Variants in RORA observed in about 807,000 individuals in gnomAD.
The protein encoded by RORA is RAR related orphan receptor A, also known as nuclear receptor ROR-alpha.
In RORA, 7 loss-of-function variants were observed where a neutral mutation model predicts 69.5. The observed-to-expected ratio is 0.10, with a 90% CI of 0.06 to 0.19. The LOEUF (loss-of-function observed/expected upper bound fraction) is 0.19, where lower values mean the gene tolerates loss of function less well. Ranked by LOEUF, RORA falls within the 10% of genes least tolerant of loss-of-function variation. RORA has a pLI of 1.00. For missense variants in RORA, 457 were observed against 663.0 expected (o/e 0.69, Z 3.41); for synonymous variants, 261 against 240.8 (o/e 1.08, Z -0.78).
At chr15:60,776,942 T>G (rs971763274) in intron 1 of RORA, among the ~76,000 whole-genome samples, 6 of 152,240 alleles carry the variant, frequency 3.9e-5, no homozygotes, top group African/African-American at 1.4e-4. Flanking sequence ...TAATTGTCTG[T>G]CTTCTCTCTG....
At chr15:61,049,062 C>A (rs1245286855) in intron 1 of RORA, among the ~76,000 whole-genome samples, 1 of 152,156 alleles carries the variant, frequency 6.6e-6, no homozygotes, top group Non-Finnish European at 1.5e-5. Flanking sequence ...CCTCGTGTCC[C>A]AACACCACAT....
chr15:61,144,277 G>A (rs895980172), intron 1 of RORA, among the ~76,000 whole-genome samples: 3 of 152,160 alleles, frequency 2.0e-5, no homozygotes, highest in African/African-American at 4.8e-5. Context: ...CTGATTCCAC[G>A]GGCAGCTCGA....
intron 1 of RORA, among the ~76,000 whole-genome samples, chr15:60,885,645 T>A (rs1204871317): frequency 6.6e-6 from 1 of 152,216 alleles, no homozygotes; most frequent in East Asian, 1.9e-4. Flanking sequence ...AAAATATATA[T>A]ATTTCAGATA....
At chr15:61,053,729 C>T (rs935608503) in intron 1 of RORA, among the ~76,000 whole-genome samples, 3 of 151,014 alleles carry the variant, frequency 2.0e-5, no homozygotes, top group East Asian at 2.0e-4. Flanking sequence ...TACAGGGAGA[C>T]GACACAGCTG....
At chr15:60,945,100 T>C (rs923102307) in intron 1 of RORA, among the ~76,000 whole-genome samples, 1 of 152,144 alleles carries the variant, frequency 6.6e-6, no homozygotes, top group Non-Finnish European at 1.5e-5. Context: ...TAGTTTAATA[T>C]ACCCAGCAAA....
At chr15:61,228,097 T>C (rs937696783) in intron 1 of RORA, among the ~76,000 whole-genome samples, 7 of 138,948 alleles carry the variant, frequency 5.0e-5, no homozygotes, top group Non-Finnish European at 1.1e-4. Context: ...GGAGAAAACA[T>C]TGCTTGCACT....
chr15:60,721,178 T>C (rs1249628904), intron 1 of RORA, among the ~76,000 whole-genome samples: 1 of 152,194 alleles, frequency 6.6e-6, no homozygotes, highest in Admixed American at 6.5e-5. Flanking sequence ...CCGTGGGTTC[T>C]TTGACTAAAC....
intron 1 of RORA, among the ~76,000 whole-genome samples, chr15:60,767,934 C>T (rs1567183687): frequency 6.6e-6 from 1 of 152,306 alleles, no homozygotes; most frequent in South Asian, 2.1e-4. Flanking sequence ...GGCAGGGCCA[C>T]ATCTCGTTCA....
intron 1 of RORA, among the ~76,000 whole-genome samples, chr15:60,943,532 G>C (rs1265981173): frequency 6.6e-6 from 1 of 152,094 alleles, no homozygotes; most frequent in Non-Finnish European, 1.5e-5. Context: ...ATGAGCATAA[G>C]ACAGAAGGTC....
At chr15:61,019,183 A>G (rs190565084) in intron 1 of RORA, among the ~76,000 whole-genome samples, 1 of 152,336 alleles carries the variant, frequency 6.6e-6, no homozygotes, top group East Asian at 1.9e-4. Context: ...AGCGGAATAC[A>G]TTACACAGCG....
intron 2 of RORA, among the ~76,000 whole-genome samples, chr15:60,595,832 CATACTT>C (rs1420538231): frequency 6.6e-6 from 1 of 152,134 alleles, no homozygotes; most frequent in African/African-American, 2.4e-5. Flanking sequence ...AGGCACACAA[CATACTT>C]ATAAACACAT....
chr15:60,594,019 T>G (rs1368804980), intron 2 of RORA, among the ~76,000 whole-genome samples: 1 of 152,210 alleles, frequency 6.6e-6, no homozygotes, highest in Non-Finnish European at 1.5e-5. Context: ...TCGTTGTCCT[T>G]CAGTCAAGCC....
intron 1 of RORA, among the ~76,000 whole-genome samples, chr15:60,998,432 C>T (rs2140377684): frequency 6.7e-6 from 1 of 150,170 alleles, no homozygotes; most frequent in East Asian, 2.0e-4. Flanking sequence ...GAGTCTGGCT[C>T]CTTTGCCCAG....
intron 2 of RORA, among the ~76,000 whole-genome samples, chr15:60,569,691 A>G (rs1283194388): frequency 6.6e-6 from 1 of 152,188 alleles, no homozygotes; most frequent in Non-Finnish European, 1.5e-5. Context: ...GACAGCTCAA[A>G]AGGGTGAATG....
chr15:60,955,868 A>T (rs532456876), intron 1 of RORA, among the ~76,000 whole-genome samples: 1 of 152,338 alleles, frequency 6.6e-6, no homozygotes, highest in East Asian at 1.9e-4. Flanking sequence ...CACTGAGAAA[A>T]GGACACTTTA....
intron 1 of RORA, among the ~76,000 whole-genome samples, chr15:61,138,671 T>G (rs1490404649): frequency 6.6e-6 from 1 of 152,072 alleles, no homozygotes; most frequent in Non-Finnish European, 1.5e-5. Context: ...GGCCTTTTCC[T>G]GCACAGTCTA....
At chr15:60,862,700 A>G (rs2073446432) in intron 1 of RORA, among the ~76,000 whole-genome samples, 2 of 152,242 alleles carry the variant, frequency 1.3e-5, no homozygotes, top group African/African-American at 2.4e-5. Flanking sequence ...TCATAATAGA[A>G]CAGCTTCCCT....
chr15:60,828,274 G>A (rs571499510), intron 1 of RORA, among the ~76,000 whole-genome samples: 1 of 152,290 alleles, frequency 6.6e-6, no homozygotes, highest in South Asian at 2.1e-4. Context: ...GTCTCAGCCT[G>A]GCGCAGGCAA....
chr15:61,150,463 A>G (rs1333649268), intron 1 of RORA, among the ~76,000 whole-genome samples: 1 of 152,194 alleles, frequency 6.6e-6, no homozygotes, highest in Non-Finnish European at 1.5e-5. Flanking sequence ...AGCCCTCCCT[A>G]TGCTAACACT....
Sources: gnomAD v4.1 joint callset for allele counts (sites outside exome capture counted in the v4.1 genomes callset) on GRCh38, gnomAD v4.1.1 for gene constraint, MANE v1.5 for transcripts, NCBI Gene and HGNC (gene_info 2026-07-23, HGNC 2026-07-21) for gene names.